ZNFX1: variants seen among roughly 807,000 people sequenced by gnomAD.
The protein encoded by ZNFX1 is NFX1-type zinc finger-containing protein 1.
ZNFX1 carries 78 observed loss-of-function variants against 179.8 expected under a neutral mutation model. That is an observed-to-expected ratio of 0.43 (90% CI 0.36 to 0.52). ZNFX1 has a LOEUF of 0.52. Ranked by LOEUF, ZNFX1 falls within the 20% of genes least tolerant of loss-of-function variation. The probability of loss-of-function intolerance (pLI) is 0.00; values close to 1 mark genes in which losing one functional copy is unlikely to be tolerated. For synonymous variants in ZNFX1, 848 were observed against 868.5 expected, an observed-to-expected ratio of 0.98 and a Z score of 0.42; for missense variants, 1,927 against 2,386.6, an observed-to-expected ratio of 0.81 and a Z score of 4.01.
In ZNFX1 at chr20:49,247,910, T is replaced by C. The variant is rs767824544; in HGVS notation, c.5114A>G (p.Tyr1705Cys). ...GGCCAGGTGGTCATAGAAGCTGATGTAATTCTCAACCAGACCCAGGTCCTT... is the reference window on the plus strand; with the variant it reads ...GGCCAGGTGGTCATAGAAGCTGATGCAATTCTCAACCAGACCCAGGTCCTT... ...SVKDLGLVEN[Y>C]ISFYDHLASL... Residue 1705 changes from tyrosine to cysteine, a missense_variant, in exon 14 of 14, where the codon TAC becomes TGC. Tyr to Cys is a radical substitution (Grantham distance 194). Transcript: ENST00000396105. The C allele has an allele frequency of 6.2e-7, 1 of 1,614,184 alleles. No individual in the cohort carries two copies. The highest frequency in any genetic ancestry group is 8.5e-7 in the Non-Finnish European group (1 of 1,180,032).
In ZNFX1 at chr20:49,251,439, C is replaced by T. The variant is rs1031208520; in HGVS notation, c.3312+88G>A. ...TACAGGTGTGAGCCACCGCGCCTGG[C>T]CGCTGAAAAGCTTTTTTATCTTGAG... is the stretch of plus-strand genomic sequence containing the variant. On this transcript the variant is annotated intron_variant, in intron 13 of 13. Coordinates refer to ENST00000396105, the MANE Select transcript of ZNFX1 (RefSeq NM_021035.3). 2.2e-5 allele frequency: 28 copies of T among 1,265,192 alleles called. No homozygotes were observed. The Middle Eastern group carries it at 7.8e-4, about 35-fold the overall frequency. The allele number at this position is 1,265,192 out of a possible 1,614,324, so 78.4% of individuals were successfully genotyped here.
rs770567545 is a variant in ZNFX1 at position 49,247,496 on chromosome 20, C to T, written c.5528G>A (p.Arg1843His). The change falls in exon 14 of 14, where the codon CGT becomes CAT. Residue 1843 changes from arginine (R) to histidine (H), a missense_variant. By Grantham distance (29) the Arg-to-His change is conservative. Transcript: ENST00000396105. ...VQIVSAIGYPRGHWFKCRNGH... is the reference protein window; with the variant it reads ...VQIVSAIGYPHGHWFKCRNGH... ...ATTGCGGCACTTGAACCAGTGACCA[C>T]GAGGATAACCTATGGCACTGACAAT... 3.0e-5 allele frequency: 49 copies of T among 1,614,212 alleles called. No individual in the cohort carries two copies. The Middle Eastern group carries it at 4.9e-4, about 16-fold the overall frequency.
chr20:49,275,040 G>A (rs1186375906), intron 2 of ZNFX1, among the ~76,000 whole-genome samples: 2 of 149,218 alleles, frequency 1.3e-5, no homozygotes, highest in East Asian at 4.1e-4. Context: ...GGAGAATGGC[G>A]TGAACCCGGG....
Position 49,249,303 on chromosome 20 carries a change from G to A in ZNFX1, c.3721C>T (p.Pro1241Ser), listed in dbSNP as rs1014503578. 1 of 1,614,090 alleles carries A rather than the reference G, an allele frequency of 6.2e-7. No individual in the cohort carries two copies. The highest frequency in any genetic ancestry group is 8.5e-7 in the Non-Finnish European group (1 of 1,180,054). ...IGNMQMLAKV[P>S]LWSKIIHTLR... Reference sequence around the variant, plus strand: ...GTATGAATGATCTTGCTCCACAGGGGCACCTTGGCCAGCATCTGCATGTTT... The same window carrying A: ...GTATGAATGATCTTGCTCCACAGGGACACCTTGGCCAGCATCTGCATGTTT... Residue 1241 changes from proline (P) to serine (S), a missense_variant, in exon 14 of 14, where the codon CCC (proline) becomes TCC (serine). Transcript: ENST00000396105.
rs1981611144 is a variant in ZNFX1, at chr20:49,277,576, C to A, written c.-49+445G>T. On this transcript the variant is annotated intron_variant, in intron 1 of 13. Coordinates refer to ENST00000396105, the MANE Select transcript of ZNFX1 (RefSeq NM_021035.3). ...GCAGAGGAGATCGAAGTGCTGAGGGCAGAAGCGGTGACGGTGTCGGGGGTG... is the reference window on the plus strand; with the variant it reads ...GCAGAGGAGATCGAAGTGCTGAGGGAAGAAGCGGTGACGGTGTCGGGGGTG... 2.7e-5 allele frequency among the ~76,000 whole-genome samples: 4 copies of A among 147,872 alleles called. No homozygotes were observed. The South Asian group carries it at 8.7e-4, about 32-fold the overall frequency.
intron 3 of ZNFX1, 39 bp from the exon 4 acceptor site, chr20:49,266,305 T>A: frequency 6.4e-7 from 1 of 1,552,924 alleles, no homozygotes; most frequent in Non-Finnish European, 8.7e-7. Flanking sequence ...AATTTAGACA[T>A]TTTCTAAATA....
At chr20:49,264,248 G>A (rs1044604697) in intron 5 of ZNFX1, among the ~76,000 whole-genome samples, 1 of 152,146 alleles carries the variant, frequency 6.6e-6, no homozygotes, top group Non-Finnish European at 1.5e-5. Flanking sequence ...TTGGCACTCA[G>A]AAAGTTTTGG....
In ZNFX1 at chr20:49,265,130, T is replaced by C. The variant is rs557397624; in HGVS notation, c.2003-266A>G. ...CTCTACCACTTATTGCTGTGTAACC[T>C]GGGGCAAGTGACTTGAGTCTCAGTT... On this transcript the variant is annotated intron_variant, in intron 4 of 13. Transcript: ENST00000396105. Among the ~76,000 whole-genome samples, 47 of 152,318 alleles carry C rather than the reference T, an allele frequency of 3.1e-4. 1 individual carries two copies. The South Asian group carries it at 8.7e-3, about 28-fold the overall frequency.
chr20:49,248,194 A>G lies in ZNFX1; in HGVS notation c.4830T>C (p.Asp1610=). 1 of 1,614,140 alleles carries G rather than the reference A, an allele frequency of 6.2e-7. No homozygotes were observed. The highest frequency in any genetic ancestry group is 8.5e-7 in the Non-Finnish European group (1 of 1,180,024). The change falls in exon 14 of 14, where the codon GAT becomes GAC. Residue 1610 remains aspartate, a synonymous_variant. Coordinates refer to ENST00000396105, the MANE Select transcript of ZNFX1 (RefSeq NM_021035.3). The surrounding 1 kb of genome is among the most constrained non-coding windows in gnomAD (Gnocchi z 4.6). The part of the protein sequence containing the change: ...LDRYMNEQKD[D]EVAIRLKVCP... ...AGACTTTCAATCTGATGGCGACTTC[A>G]TCATCCTTCTGTTCATTCATGTAGC... is the stretch of plus-strand genomic sequence containing the variant.
chr20:49,254,390 T>C, intron 10 of ZNFX1, 105 bp downstream of exon 10: 1 of 1,412,780 alleles, frequency 7.1e-7, no homozygotes, highest in Non-Finnish European at 9.6e-7. Context: ...TTTCATGGTA[T>C]TTTCCTCTAA....
chr20:49,246,384 C>G lies in ZNFX1; in HGVS notation c.*883G>C, dbSNP rs1460979680. The G allele has an allele frequency of 1.3e-5, 2 of 153,958 alleles. No individual in the cohort carries two copies. The highest frequency in any genetic ancestry group is 4.8e-5 in the African/African-American group (2 of 41,428). 9.5% of individuals were successfully genotyped at this position (153,958 alleles called of 1,614,324 possible). A position where few individuals can be genotyped will look rare whatever the true frequency, so the allele number is the denominator to read the frequency against. ...TGTGGGCTGTCCCATCTTCCCCACT[C>G]TCAGTGACTATGTAACTGTGTCAGG... is the stretch of plus-strand genomic sequence containing the variant. On this transcript the variant is annotated 3_prime_UTR_variant, in exon 14 of 14. Coordinates refer to ENST00000396105, the MANE Select transcript of ZNFX1 (RefSeq NM_021035.3).
Position 49,266,054 on chromosome 20 carries a change from G to A in ZNFX1, c.2002+81C>T, listed in dbSNP as rs1981225763. 5.3e-6 allele frequency: 8 copies of A among 1,502,676 alleles called. No homozygotes were observed. The Admixed American group carries it at 1.6e-4, about 30-fold the overall frequency. 93.1% of individuals were successfully genotyped at this position (1,502,676 alleles called of 1,614,324 possible). A position where few individuals can be genotyped will look rare whatever the true frequency, so the allele number is the denominator to read the frequency against. ...ATAAGGACTGTTGACTTTGTTTGAAGAGCAATAGAAAGCTACTGAAGTTGC... is the reference window on the plus strand; with the variant it reads ...ATAAGGACTGTTGACTTTGTTTGAAAAGCAATAGAAAGCTACTGAAGTTGC... On this transcript the variant is annotated intron_variant, in intron 4 of 13. Transcript: ENST00000396105.
chr20:49,266,265 G>A lies in ZNFX1; in HGVS notation c.1872C>T (p.Gly624=), dbSNP rs1310518318. 2 of 1,583,204 alleles carry A rather than the reference G, an allele frequency of 1.3e-6. No individual in the cohort carries two copies. The highest frequency in any genetic ancestry group is 1.4e-5 in the African/African-American group (1 of 73,236). The part of the protein sequence containing the change: ...LAIIQGPPGT[G]KTYVGLKIVQ... ...CAATTTTTAGACCCACATAGGTTTT[G>A]CCTAGAAAATAAGGAAAAAGGAATT... is the stretch of plus-strand genomic sequence containing the variant. The change falls in exon 4 of 14, where the codon GGC becomes GGT. Residue 624 remains glycine, a splice_region_variant and synonymous_variant. Coordinates refer to ENST00000396105, the MANE Select transcript of ZNFX1 (RefSeq NM_021035.3).
chr20:49,275,809 T>C lies in ZNFX1; in HGVS notation c.31A>G (p.Arg11Gly). MEERRPHLDA[R>G]PRNSHTNHRG... is the part of the protein sequence containing the mutation. ...TGGTTGGTATGGGAATTCCTGGGCC[T>C]GGCATCCAGATGAGGTCTTCTCTCC... is the stretch of plus-strand genomic sequence containing the variant. The change falls in exon 2 of 14, where the codon AGG becomes GGG. Residue 11 changes from arginine (R) to glycine (G), a missense_variant. By Grantham distance (125) the Arg-to-Gly change is moderately radical. Coordinates refer to ENST00000396105, the MANE Select transcript of ZNFX1 (RefSeq NM_021035.3). 6.2e-7 allele frequency: 1 copy of C among 1,614,228 alleles called. No homozygotes were observed. Among genetic ancestry groups the C allele is most frequent in the Middle Eastern group, 1.6e-4 (1 of 6,062 alleles).
chr20:49,251,828 C>T (rs1190710678), intron 12 of ZNFX1, among the ~76,000 whole-genome samples: 1 of 143,268 alleles, frequency 7.0e-6, no homozygotes, highest in Non-Finnish European at 1.5e-5. Context: ...GAGCCCTCAT[C>T]TCTATTTTTC....
At chr20:49,251,063 T>A (rs1202540176) in intron 13 of ZNFX1, among the ~76,000 whole-genome samples, 2 of 151,552 alleles carry the variant, frequency 1.3e-5, no homozygotes, top group Non-Finnish European at 2.9e-5. Flanking sequence ...GAATTGGGAT[T>A]AAAAAACCCT....
In ZNFX1 at chr20:49,253,822, G is replaced by C. The variant is rs1174480191; in HGVS notation, c.2960-11C>G. On this transcript the variant is annotated splice_polypyrimidine_tract_variant and intron_variant, in intron 10 of 13. Transcript: ENST00000396105. ...GGTATTTGGCAGCACCTCAAGTGAG[G>C]AAAGAAGAGAAAGGCTCCTCTGAGC... The C allele has an allele frequency of 6.2e-6, 10 of 1,613,468 alleles. No individual in the cohort carries two copies. Among genetic ancestry groups the C allele is most frequent in the Non-Finnish European group, 7.6e-6 (9 of 1,179,956 alleles).
Position 49,249,420 on chromosome 20 carries a change from T to C in ZNFX1, c.3604A>G (p.Ser1202Gly). The C allele has an allele frequency of 6.2e-7, 1 of 1,614,252 alleles. No homozygotes were observed. Among genetic ancestry groups the C allele is most frequent in the Non-Finnish European group, 8.5e-7 (1 of 1,180,052 alleles). Residue 1202 changes from serine (S) to glycine (G), a missense_variant, in exon 14 of 14, where the codon AGC (serine) becomes GGC (glycine). Transcript: ENST00000396105. ...AAACCCACCTTGCCTTCTTGGTTGC[T>C]CCGCACTAGCGAGAGGAGGATGATG... ...NDIILLSLVR[S>G]NQEGKVGFLQ...
Position 49,247,168 on chromosome 20 carries a change from A to C in ZNFX1, c.*99T>G. 2.0e-6 allele frequency: 3 copies of C among 1,486,064 alleles called. No homozygotes were observed. The highest frequency in any genetic ancestry group is 2.5e-4 in the Middle Eastern group (1 of 4,042). The allele number at this position is 1,486,064 out of a possible 1,614,324, so 92.1% of individuals were successfully genotyped here. A position where few individuals can be genotyped will look rare whatever the true frequency, so the allele number is the denominator to read the frequency against. Reference sequence around the variant, plus strand: ...AGGCGTAAGCCACTGCGCCCAGCCTAAAAAGGATGATAATAAAAAACAAAC... The same window carrying C: ...AGGCGTAAGCCACTGCGCCCAGCCTCAAAAGGATGATAATAAAAAACAAAC... On this transcript the variant is annotated 3_prime_UTR_variant, in exon 14 of 14. Transcript: ENST00000396105.
Sources: allele counts gnomAD v4.1 joint callset (sites outside exome capture counted in the v4.1 genomes callset), GRCh38; gene constraint gnomAD v4.1.1; non-coding constraint Gnocchi (gnomAD v3.1); transcripts MANE v1.5; gene names NCBI Gene and HGNC (gene_info 2026-07-23, HGNC 2026-07-21).